The following MAP4 variants were observed in gnomAD, a reference collection of about 807,000 sequenced individuals.
MAP4 encodes the protein microtubule-associated protein 4.
A neutral mutation model predicts 170.2 loss-of-function variants in MAP4; 76 were observed. The ratio of observed to expected loss-of-function variants is 0.45; its 90% CI spans 0.37 to 0.54. The LOEUF (loss-of-function observed/expected upper bound fraction) is 0.54. Among genes scored for constraint, MAP4 ranks in the 20% least tolerant of loss-of-function variants. The pLI, the probability that MAP4 is intolerant of heterozygous loss-of-function variation, is 0.00. For synonymous variants in MAP4, 909 were observed against 994.5 expected (o/e 0.91, Z 1.62); for missense variants, 2,506 against 2,748.0 (o/e 0.91, Z 1.97).
At chr3:47,891,563 G>A (rs2100023952) in intron 10 of MAP4, 13 of 1,530,766 alleles carry the variant, frequency 8.5e-6, no homozygotes, top group South Asian at 2.4e-5. Context: ...GACAGCTGGG[G>A]GAACTGAGAG....
At chr3:47,887,443 C>T (rs978674171) in intron 10 of MAP4, among the ~76,000 whole-genome samples, 9 of 152,236 alleles carry the variant, frequency 5.9e-5, no homozygotes, top group African/African-American at 1.2e-4. Context: ...TGCTTTCCCG[C>T]GGGGCAGGGC....
rs1231026190 is a variant in MAP4 at position 47,918,731 on chromosome 3, G to C, written c.640C>G (p.Gln214Glu). 1.2e-6 allele frequency: 2 copies of C among 1,610,286 alleles called. No homozygotes were observed. The highest frequency in any genetic ancestry group is 2.2e-5 in the South Asian group (2 of 90,990). ...VSPEAVAEPP[Q>E]PTAVPLELAK... is the part of the protein sequence containing the mutation. ...TCTAATAGTTTACCTGCCGTTGGCT[G>C]AGGAGGTTCTGCAACAGCCTCTGGG... The change falls in exon 6 of 21, where the codon CAG (glutamine) becomes GAG (glutamate). Residue 214 changes from glutamine to glutamate, a missense_variant. This residue lies in a region of MAP4 where 2,008 missense variants were observed against 2,206.0 expected (regional missense o/e 0.91). Coordinates refer to ENST00000683076, the MANE Select transcript of MAP4 (RefSeq NM_001385682.1).
At chr3:48,058,226 G>A (rs2100133300) in intron 1 of MAP4, among the ~76,000 whole-genome samples, 1 of 152,172 alleles carries the variant, frequency 6.6e-6, no homozygotes, top group Non-Finnish European at 1.5e-5. Flanking sequence ...CTCAGTCCTA[G>A]ACTACAATGA....
chr3:47,883,934 T>C (rs904515889), intron 10 of MAP4, among the ~76,000 whole-genome samples: 1 of 152,220 alleles, frequency 6.6e-6, no homozygotes, highest in African/African-American at 2.4e-5. Flanking sequence ...TTGTCTTTAG[T>C]TTATAAAAGT....
chr3:47,905,311 T>C (rs1009070593), intron 9 of MAP4, among the ~76,000 whole-genome samples: 15 of 152,088 alleles, frequency 9.9e-5, no homozygotes, highest in Admixed American at 2.6e-4. Flanking sequence ...AAAAGAATAA[T>C]AGGGCAAGGG....
chr3:47,993,248 C>A (rs1178634585), intron 2 of MAP4, among the ~76,000 whole-genome samples: 1 of 152,030 alleles, frequency 6.6e-6, no homozygotes, highest in African/African-American at 2.4e-5. Context: ...CACTTGAGCC[C>A]AGGAGTTCAA....
intron 3 of MAP4, among the ~76,000 whole-genome samples, chr3:47,968,290 A>G (rs1019088294): frequency 1.1e-4 from 16 of 152,208 alleles, no homozygotes; most frequent in Non-Finnish European, 1.9e-4. Flanking sequence ...CTTACAGAAC[A>G]TTCCACCCGC....
At position 47,853,214 on chromosome 3, in the gene MAP4, C is replaced by T. The variant is rs762038599; in HGVS notation, c.6835G>A (p.Gly2279Ser). ...GTCTGGGCCTCCCTTTGGTCACCAC[C>T]CCCTGACAGGGTGGGGTGGCCATTG... ...GLNGHPTLSG[G>S]GDQREAQTLD... Residue 2279 changes from glycine to serine, a missense_variant, in exon 20 of 21, where the codon GGT becomes AGT. By Grantham distance (56) the Gly-to-Ser change is moderately conservative. This residue lies in a region of MAP4 where 487 missense variants were observed against 511.6 expected (regional missense o/e 0.95). Coordinates refer to ENST00000683076, the MANE Select transcript of MAP4 (RefSeq NM_001385682.1). 2 of 1,579,678 alleles carry T rather than the reference C, an allele frequency of 1.3e-6. No individual in the cohort carries two copies. The highest frequency in any genetic ancestry group is 1.4e-5 in the African/African-American group (1 of 73,974).
intron 3 of MAP4, among the ~76,000 whole-genome samples, chr3:47,929,237 T>C (rs2100047912): frequency 6.6e-6 from 1 of 151,986 alleles, no homozygotes; most frequent in Non-Finnish European, 1.5e-5. Context: ...TGCCTGTAAT[T>C]CTGGCTACTC....
chr3:47,946,849 T>C (rs2100060362), intron 3 of MAP4, among the ~76,000 whole-genome samples: 1 of 152,156 alleles, frequency 6.6e-6, no homozygotes, highest in African/African-American at 2.4e-5. Flanking sequence ...GTTATATTTA[T>C]GAAAGTATTT....
At chr3:47,897,148 A>AG (rs974968448) in intron 10 of MAP4, among the ~76,000 whole-genome samples, 3 of 152,038 alleles carry the variant, frequency 2.0e-5, no homozygotes, top group Non-Finnish European at 2.9e-5. Context: ...TTTTTTTGAG[A>AG]GGGGGTCTCG....
Position 47,939,684 on chromosome 3 carries a change from C to G in MAP4, c.293-11334G>C, listed in dbSNP as rs187629170. On this transcript the variant is annotated intron_variant, in intron 3 of 20. Coordinates refer to ENST00000683076, the MANE Select transcript of MAP4 (RefSeq NM_001385682.1). ...TCTGATTCTGCTTATATTTCTTACT[C>G]ATGGTAAGAAACTGTAAAGAAATAG... Among the ~76,000 whole-genome samples the G allele has an allele frequency of 2.0e-3, 301 of 150,182 alleles. 3 individuals are homozygous for G. Among genetic ancestry groups the G allele is most frequent in the African/African-American group, 6.8e-3 (278 of 40,764 alleles).
chr3:48,061,964 C>T (rs547307245), intron 1 of MAP4, among the ~76,000 whole-genome samples: 1 of 151,136 alleles, frequency 6.6e-6, no homozygotes, highest in African/African-American at 2.4e-5. Context: ...AAGTGAGGAG[C>T]CCCTCTGCCT....
rs569807942 is a variant in MAP4, at chr3:48,035,075, A to C, written c.-19-36196T>G. On this transcript the variant is annotated intron_variant, in intron 1 of 18. Transcript: ENST00000360240. ...TTGGTGTCTGACTACAAGTGAACAA[A>C]AAGAAAAACTTTCAGAATTGTTTAA... Among the ~76,000 whole-genome samples, 3 of 152,262 alleles carry C rather than the reference A, an allele frequency of 2.0e-5. No homozygotes were observed. The South Asian group carries it at 6.2e-4, about 32-fold the overall frequency.
intron 5 of MAP4, among the ~76,000 whole-genome samples, chr3:47,920,550 T>C (rs953278918): frequency 6.7e-6 from 1 of 150,172 alleles, no homozygotes; most frequent in Non-Finnish European, 1.5e-5. Flanking sequence ...GATGGTTTTT[T>C]TTTTTTTTTT....
intron 1 of MAP4, among the ~76,000 whole-genome samples, chr3:48,071,651 G>A (rs764870614): frequency 1.3e-5 from 2 of 152,174 alleles, no homozygotes; most frequent in African/African-American, 4.8e-5. Context: ...GTAGCCGGGT[G>A]CAGTCGCTCA....
intron 17 of MAP4, among the ~76,000 whole-genome samples, chr3:47,860,334 A>G (rs1014965908): frequency 2.0e-5 from 3 of 152,218 alleles, no homozygotes; most frequent in African/African-American, 7.2e-5. Context: ...CTGAGACTAC[A>G]GGCGCACACC....
At chr3:47,934,982 G>C (rs1013336367) in intron 3 of MAP4, among the ~76,000 whole-genome samples, 2 of 152,218 alleles carry the variant, frequency 1.3e-5, no homozygotes, top group African/African-American at 4.8e-5. Context: ...GCCTAGTTGA[G>C]AGTTTAAGAC....
intron 3 of MAP4, among the ~76,000 whole-genome samples, chr3:47,950,966 T>C (rs2100063337): frequency 6.6e-6 from 1 of 152,218 alleles, no homozygotes; most frequent in Non-Finnish European, 1.5e-5. Context: ...TAATACCAAA[T>C]AGCAAGACCT....
Sources: gnomAD v4.1 joint callset for allele counts (sites outside exome capture counted in the v4.1 genomes callset) on GRCh38, gnomAD v4.1.1 for gene constraint, gnomAD v4.1.1 regional missense constraint, MANE v1.5 for transcripts, NCBI Gene and HGNC (gene_info 2026-07-23, HGNC 2026-07-21) for gene names.